Variants in PTPRG observed in about 807,000 individuals in gnomAD.
The protein encoded by PTPRG is receptor-type tyrosine-protein phosphatase gamma.
In PTPRG, 102 loss-of-function variants were observed where a neutral mutation model predicts 165.3. The observed-to-expected ratio is 0.62, with a 90% CI of 0.53 to 0.73. The LOEUF is 0.73. Among genes scored for constraint, PTPRG ranks in the 30% least tolerant of loss-of-function variants. The pLI, the probability that PTPRG is intolerant of heterozygous loss-of-function variation, is 0.00. For synonymous variants in PTPRG, 675 were observed against 669.5 expected (o/e 1.01, Z -0.13); for missense variants, 1,866 against 1,861.4 (o/e 1.00, Z -0.05).
intron 1 of PTPRG, among the ~76,000 whole-genome samples, chr3:61,625,278 A>T (rs1027262380): frequency 4.7e-5 from 6 of 127,770 alleles, no homozygotes; most frequent in African/African-American, 1.9e-4. Context: ...TTATCAGTCA[A>T]ACTTTAGTCT....
intron 2 of PTPRG, among the ~76,000 whole-genome samples, chr3:61,894,132 C>T (rs1164503299): frequency 1.3e-5 from 2 of 151,696 alleles, no homozygotes; most frequent in South Asian, 2.1e-4. Context: ...GGCAAAACCC[C>T]GTCTCTACTA....
Position 61,646,097 on chromosome 3 carries a change from C to A in PTPRG, c.85+83725C>A, listed in dbSNP as rs1337817995. On this transcript the variant is annotated intron_variant, in intron 1 of 29. Coordinates refer to ENST00000474889, the MANE Select transcript of PTPRG (RefSeq NM_002841.4). Reference sequence around the variant, plus strand: ...AATATGGTTTGTTTTTGATTCTCTGCAGTAGATCATCTTTTTTTATTTTTT... The same window carrying A: ...AATATGGTTTGTTTTTGATTCTCTGAAGTAGATCATCTTTTTTTATTTTTT... 2.0e-5 allele frequency among the ~76,000 whole-genome samples: 3 copies of A among 152,070 alleles called. No homozygotes were observed. The East Asian group carries it at 5.8e-4, about 29-fold the overall frequency.
chr3:61,910,822 G>A (rs1349365119), intron 2 of PTPRG, among the ~76,000 whole-genome samples: 1 of 152,184 alleles, frequency 6.6e-6, no homozygotes, highest in Non-Finnish European at 1.5e-5. Context: ...GACGGTCCCT[G>A]CTTTGATTAA....
chr3:62,195,302 A>C lies in PTPRG; in HGVS notation c.1327+132A>C. On this transcript the variant is annotated intron_variant, in intron 10 of 29. Transcript: ENST00000474889. The surrounding 1 kb of genome is among the most constrained non-coding windows in gnomAD (Gnocchi z 4.4). ...CAGAAGAATCAGTGTAGGGTTTTAA[A>C]GCCTATGCGGGAAGCCCTAGTAATT... The C allele has an allele frequency of 2.5e-6, 2 of 787,560 alleles. No individual in the cohort carries two copies. Among genetic ancestry groups the C allele is most frequent in the Non-Finnish European group, 2.0e-6 (1 of 489,850 alleles). 48.8% of individuals were successfully genotyped at this position (787,560 alleles called of 1,614,324 possible).
At chr3:61,823,893 G>A (rs930621376) in intron 2 of PTPRG, among the ~76,000 whole-genome samples, 5 of 151,890 alleles carry the variant, frequency 3.3e-5, no homozygotes, top group South Asian at 2.1e-4. Context: ...TTGGGAGGCC[G>A]AGGTGGGCAG....
At chr3:61,576,511 TC>T (rs1184514000) in intron 1 of PTPRG, among the ~76,000 whole-genome samples, 1 of 152,202 alleles carries the variant, frequency 6.6e-6, no homozygotes, top group African/African-American at 2.4e-5. Context: ...TGGTCCCCAT[TC>T]CCATAGCTGT....
chr3:61,816,467 G>C (rs2035766815), intron 2 of PTPRG, among the ~76,000 whole-genome samples: 1 of 152,172 alleles, frequency 6.6e-6, no homozygotes, highest in Non-Finnish European at 1.5e-5. Flanking sequence ...TGGAGGCGGA[G>C]GTTGCAGTGA....
chr3:61,743,154 T>A lies in PTPRG; in HGVS notation c.86-5724T>A, dbSNP rs1037898537. 12 of 1,008,338 alleles carry A rather than the reference T, an allele frequency of 1.2e-5. No individual in the cohort carries two copies. The East Asian group carries it at 2.8e-4, about 24-fold the overall frequency. 62.5% of individuals were successfully genotyped at this position (1,008,338 alleles called of 1,614,324 possible). On this transcript the variant is annotated intron_variant, in intron 1 of 29. Coordinates refer to ENST00000474889, the MANE Select transcript of PTPRG (RefSeq NM_002841.4). Reference sequence around the variant, plus strand: ...GGAAAAGAGCGGGTCTGGTAATATTTTTATCTTTTTTTGCTTCGGGCTGGA... The same window carrying A: ...GGAAAAGAGCGGGTCTGGTAATATTATTATCTTTTTTTGCTTCGGGCTGGA...
At chr3:62,107,776 T>C (rs188137111) in intron 5 of PTPRG, among the ~76,000 whole-genome samples, 2 of 152,368 alleles carry the variant, frequency 1.3e-5, no homozygotes, top group East Asian at 3.9e-4. Flanking sequence ...ATTACATGTT[T>C]ATTGAGCACC....
chr3:61,911,473 A>G (rs547294870), intron 2 of PTPRG, among the ~76,000 whole-genome samples: 13 of 152,316 alleles, frequency 8.5e-5, no homozygotes, highest in Admixed American at 5.9e-4. Context: ...TTTCACATTC[A>G]CTATGAAAAT....
chr3:61,720,464 G>C (rs2032000326), intron 1 of PTPRG, among the ~76,000 whole-genome samples: 1 of 152,136 alleles, frequency 6.6e-6, no homozygotes, highest in African/African-American at 2.4e-5. Flanking sequence ...TAACATGCAT[G>C]TGGAAAAATG....
At chr3:61,722,130 C>G (rs1559574526) in intron 1 of PTPRG, among the ~76,000 whole-genome samples, 2 of 151,936 alleles carry the variant, frequency 1.3e-5, no homozygotes, top group African/African-American at 4.8e-5. Context: ...GCTGGGAAGT[C>G]AAAGATGGAG....
intron 3 of PTPRG, among the ~76,000 whole-genome samples, chr3:61,997,331 T>G (rs1171757492): frequency 1.3e-5 from 2 of 152,160 alleles, no homozygotes; most frequent in Non-Finnish European, 2.9e-5. Context: ...TCCCTCTTTG[T>G]TGTTCTCTCT....
chr3:61,795,739 TG>T (rs113573077), intron 2 of PTPRG, among the ~76,000 whole-genome samples: 2 of 151,462 alleles, frequency 1.3e-5, no homozygotes, highest in African/African-American at 4.8e-5. Context: ...TTGGCATAAG[TG>T]CTTAGTATAT....
chr3:61,731,882 A>G (rs1028634716), intron 1 of PTPRG, among the ~76,000 whole-genome samples: 1 of 149,628 alleles, frequency 6.7e-6, no homozygotes, highest in African/African-American at 2.5e-5. Context: ...GTTCACTGCA[A>G]CCTTCACCTC....
chr3:61,719,516 C>T (rs2031958780), intron 1 of PTPRG, among the ~76,000 whole-genome samples: 1 of 152,090 alleles, frequency 6.6e-6, no homozygotes, highest in Admixed American at 6.6e-5. Context: ...ATACAGCCTT[C>T]GGTGGTGTCT....
At chr3:61,638,601 T>G (rs796166796) in intron 1 of PTPRG, among the ~76,000 whole-genome samples, 2 of 140,808 alleles carry the variant, frequency 1.4e-5, no homozygotes, top group African/African-American at 2.6e-5. Flanking sequence ...GTTTTTTTTT[T>G]TTTTTTTTTT....
chr3:61,963,762 T>C (rs555769398), intron 2 of PTPRG, among the ~76,000 whole-genome samples: 1 of 152,278 alleles, frequency 6.6e-6, no homozygotes, highest in East Asian at 1.9e-4. Flanking sequence ...AACATATTCA[T>C]GACAAGTTGA....
intron 1 of PTPRG, among the ~76,000 whole-genome samples, chr3:61,719,566 G>A (rs1384242907): frequency 6.6e-6 from 1 of 152,188 alleles, no homozygotes; most frequent in Non-Finnish European, 1.5e-5. Flanking sequence ...AGGGAACAGG[G>A]AGAAGGTGGA....
Sources: gnomAD v4.1 joint callset for allele counts (sites outside exome capture counted in the v4.1 genomes callset) on GRCh38, gnomAD v4.1.1 for gene constraint, Gnocchi (gnomAD v3.1) non-coding constraint, MANE v1.5 for transcripts, NCBI Gene and HGNC (gene_info 2026-07-23, HGNC 2026-07-21) for gene names.